Variants in ATP2B1 observed in about 807,000 individuals in gnomAD.
The protein encoded by ATP2B1 is ATPase plasma membrane Ca2+ transporting 1.
In ATP2B1, 14 loss-of-function variants were observed where a neutral mutation model predicts 124.2. The observed-to-expected ratio is 0.11, with a 90% CI of 0.07 to 0.18. The LOEUF (loss-of-function observed/expected upper bound fraction) is 0.18. Ranked by LOEUF, ATP2B1 falls within the 10% of genes least tolerant of loss-of-function variation. The pLI is 1.00. For missense variants in ATP2B1, 763 were observed against 1,466.1 expected, an observed-to-expected ratio of 0.52 and a Z score of 7.83; for synonymous variants, 449 against 492.4, an observed-to-expected ratio of 0.91 and a Z score of 1.17.
chr12:89,697,938 C>T (rs1288666710), intron 1 of ATP2B1, among the ~76,000 whole-genome samples: 3 of 152,036 alleles, frequency 2.0e-5, no homozygotes, highest in African/African-American at 7.3e-5. Flanking sequence ...TGCAGTGGCA[C>T]GATCTCAGCT....
At chr12:89,605,183 CAG>C (rs1408878626) in intron 15 of ATP2B1, among the ~76,000 whole-genome samples, 7 of 152,220 alleles carry the variant, frequency 4.6e-5, no homozygotes, top group African/African-American at 1.4e-4. Context: ...GTTATCTTTG[CAG>C]AGAGACAAGG....
chr12:89,685,942 T>C (rs1435392039), intron 1 of ATP2B1, among the ~76,000 whole-genome samples: 2 of 152,042 alleles, frequency 1.3e-5, no homozygotes, highest in African/African-American at 4.8e-5. Context: ...GGAGAAAACT[T>C]ACCTTGCTGA....
At chr12:89,666,853 T>C (rs1887367729) in intron 1 of ATP2B1, among the ~76,000 whole-genome samples, 1 of 152,140 alleles carries the variant, frequency 6.6e-6, no homozygotes, top group Non-Finnish European at 1.5e-5. Context: ...CTTGCTTCCT[T>C]GATTGCCACT....
chr12:89,607,768 T>C (rs1399889198), intron 15 of ATP2B1, among the ~76,000 whole-genome samples: 1 of 152,180 alleles, frequency 6.6e-6, no homozygotes, highest in African/African-American at 2.4e-5. Flanking sequence ...ACTATATTAT[T>C]TAGGGAATCA....
intron 2 of ATP2B1, among the ~76,000 whole-genome samples, chr12:89,644,430 T>C (rs910098884): frequency 4.6e-5 from 7 of 152,086 alleles, no homozygotes; most frequent in Non-Finnish European, 7.3e-5. Context: ...ATTTACTTCA[T>C]TGAAGGATTC....
chr12:89,612,288 G>A (rs1489489507), intron 12 of ATP2B1: 1 of 152,100 alleles, frequency 6.6e-6, no homozygotes, highest in Non-Finnish European at 1.5e-5. Context: ...GTTTGTGCCT[G>A]TGCTACTACA....
At chr12:89,695,092 G>A (rs1347820581) in intron 1 of ATP2B1, among the ~76,000 whole-genome samples, 1 of 148,422 alleles carries the variant, frequency 6.7e-6, no homozygotes, top group East Asian at 2.0e-4. Flanking sequence ...ATAAGAATAG[G>A]ATACAATGGT....
intron 1 of ATP2B1, among the ~76,000 whole-genome samples, chr12:89,666,268 C>T (rs1419142996): frequency 6.6e-6 from 1 of 152,142 alleles, no homozygotes; most frequent in Admixed American, 6.5e-5. Flanking sequence ...AACTGTAGCC[C>T]ACTCCATCAC....
intron 12 of ATP2B1, among the ~76,000 whole-genome samples, chr12:89,614,964 C>T (rs1878708075): frequency 6.6e-6 from 1 of 152,188 alleles, no homozygotes; most frequent in Non-Finnish European, 1.5e-5. Flanking sequence ...CTTACACGTA[C>T]CCAAAATAGT....
At chr12:89,658,598 GGAGAGAGAGAGAGAGAGA>G (rs67298800) in intron 1 of ATP2B1, among the ~76,000 whole-genome samples, 55 of 69,584 alleles carry the variant, frequency 7.9e-4, no homozygotes, top group South Asian at 2.6e-3. Flanking sequence ...AATTCAAACA[GGAGAGAGAGAGAGAGAGA>G]GAGAGAGAGA....
At chr12:89,600,145 T>TTA (rs528348545) in intron 19 of ATP2B1, among the ~76,000 whole-genome samples, 168 of 152,256 alleles carry the variant, frequency 1.1e-3, no homozygotes, top group African/African-American at 3.7e-3. Context: ...ATGATCTCTA[T>TTA]TAATGAGGTA....
chr12:89,641,634 G>A (rs917370574), intron 3 of ATP2B1, among the ~76,000 whole-genome samples: 2 of 152,004 alleles, frequency 1.3e-5, no homozygotes, highest in Non-Finnish European at 2.9e-5. Flanking sequence ...AAAGTATTTC[G>A]GATTTTCATA....
At chr12:89,628,401 CAAAAAAAAAAAAAAAAAAAAAAA>C (rs567077317) in intron 6 of ATP2B1, among the ~76,000 whole-genome samples, 1 of 79,612 alleles carries the variant, frequency 1.3e-5, no homozygotes, top group Admixed American at 1.6e-4. Flanking sequence ...GACTCCGTCT[CAAAAAAAAAAAAAAAAAAAAAAA>C]AAAAAAAAAA....
chr12:89,607,122 C>T (rs964145627), intron 15 of ATP2B1, among the ~76,000 whole-genome samples: 5 of 152,052 alleles, frequency 3.3e-5, no homozygotes, highest in African/African-American at 9.7e-5. Context: ...CATATGATAT[C>T]GCATAGTGTG....
rs199609135 is a variant in ATP2B1 at position 89,642,358 on chromosome 12, A to G, written c.209-3T>C. The G allele has an allele frequency of 6.3e-6, 10 of 1,597,896 alleles. No homozygotes were observed. The Admixed American group carries it at 1.4e-4, about 23-fold the overall frequency. ...ATCTGCAGGGTTTCCACTTAAACCT[A>G]ATAAAAAGAAACAAATTTCAGTGAA... On this transcript the variant is annotated splice_region_variant and splice_polypyrimidine_tract_variant and intron_variant, in intron 2 of 20. Transcript: ENST00000428670.
At chr12:89,616,268 G>C (rs1440187301) in intron 12 of ATP2B1, among the ~76,000 whole-genome samples, 1 of 152,074 alleles carries the variant, frequency 6.6e-6, no homozygotes, top group Non-Finnish European at 1.5e-5. Flanking sequence ...AAAAATTAAA[G>C]AGGGAAATCA....
chr12:89,658,500 T>C (rs2136386384), intron 1 of ATP2B1, among the ~76,000 whole-genome samples: 1 of 152,224 alleles, frequency 6.6e-6, no homozygotes, highest in East Asian at 1.9e-4. Flanking sequence ...AACCAAGTCA[T>C]CCATTCCAGC....
intron 3 of ATP2B1, among the ~76,000 whole-genome samples, chr12:89,636,406 A>G (rs925934526): frequency 2.6e-5 from 4 of 152,176 alleles, no homozygotes; most frequent in African/African-American, 9.7e-5. Context: ...TGTAGTAAGG[A>G]TAAGTATTAT....
At chr12:89,686,535 CA>C (rs1436780186) in intron 1 of ATP2B1, among the ~76,000 whole-genome samples, 4 of 152,028 alleles carry the variant, frequency 2.6e-5, no homozygotes, top group Non-Finnish European at 5.9e-5. Context: ...TTAAACCTTC[CA>C]AAAAATTTCC....
Sources: gnomAD v4.1 joint callset for allele counts (sites outside exome capture counted in the v4.1 genomes callset) on GRCh38, gnomAD v4.1.1 for gene constraint, MANE v1.5 for transcripts, NCBI Gene and HGNC (gene_info 2026-07-23, HGNC 2026-07-21) for gene names.